The following SFMBT2 variants were observed in gnomAD, a reference collection of about 807,000 sequenced individuals.
SFMBT2 encodes Scm like with four mbt domains 2.
SFMBT2 carries 38 observed loss-of-function variants against 110.1 expected under a neutral mutation model. The observed-to-expected ratio is 0.35, with a 90% confidence interval of 0.27 to 0.45. The LOEUF (loss-of-function observed/expected upper bound fraction) is 0.45, where lower values mean the gene tolerates loss of function less well. Among genes scored for constraint, SFMBT2 ranks in the 20% least tolerant of loss-of-function variants. SFMBT2 has a pLI of 1.00. For synonymous variants in SFMBT2, 425 were observed against 425.4 expected (o/e 1.00, Z 0.01); for missense variants, 1,011 against 1,094.9 (o/e 0.92, Z 1.08).
chr10:7,393,702 C>T (rs970790030), intron 1 of SFMBT2, among the ~76,000 whole-genome samples: 1 of 152,194 alleles, frequency 6.6e-6, no homozygotes, highest in Non-Finnish European at 1.5e-5. Context: ...TAGATGAATT[C>T]AAGTCACTAA....
intron 15 of SFMBT2, among the ~76,000 whole-genome samples, chr10:7,195,523 G>A (rs1007553106): frequency 6.6e-6 from 1 of 152,246 alleles, no homozygotes; most frequent in African/African-American, 2.4e-5. Context: ...AAATGAAGAT[G>A]TGTATGAAGG....
intron 6 of SFMBT2, 97 bp downstream of exon 6, chr10:7,283,807 G>C: frequency 1.2e-6 from 1 of 857,960 alleles, no homozygotes; most frequent in Non-Finnish European, 1.9e-6. Flanking sequence ...AGATATAAAA[G>C]ATACCAGAAA....
At chr10:7,318,473 A>G (rs1466910251) in intron 4 of SFMBT2, among the ~76,000 whole-genome samples, 1 of 152,230 alleles carries the variant, frequency 6.6e-6, no homozygotes, top group African/African-American at 2.4e-5. Context: ...AGGTCAGCCA[A>G]TGCCCAAGTA....
chr10:7,175,053 AG>A, intron 17 of SFMBT2, among the ~76,000 whole-genome samples: 1 of 152,396 alleles, frequency 6.6e-6, no homozygotes, highest in East Asian at 1.9e-4. Context: ...TCCTGGTTCC[AG>A]CACCCATGTT....
In SFMBT2 at chr10:7,172,440, G is replaced by T. The variant is rs563644345; in HGVS notation, c.2151+55C>A. 9.9e-6 allele frequency: 16 copies of T among 1,610,316 alleles called. No homozygotes were observed. The highest frequency in any genetic ancestry group is 2.7e-5 in the African/African-American group (2 of 74,860). ...CTGCTGTGAAGCAGCCACACTTGCC[G>T]GCCAGGGCCAGATGACAGAGCTACA... On this transcript the variant is annotated intron_variant, in intron 18 of 20. Coordinates refer to ENST00000397167, the MANE Select transcript of SFMBT2 (RefSeq NM_001387889.1). This position sits in a 1 kb window ranked among gnomAD's most constrained non-coding sequence, Gnocchi z 4.6.
intron 4 of SFMBT2, among the ~76,000 whole-genome samples, chr10:7,349,430 C>A (rs377172423): frequency 2.0e-5 from 1 of 49,450 alleles, no homozygotes; most frequent in Admixed American, 2.7e-4. Context: ...ACTCTTTTTT[C>A]TTTTCTTTTC....
At chr10:7,384,002 G>C (rs1308667529) in intron 1 of SFMBT2, among the ~76,000 whole-genome samples, 3 of 151,944 alleles carry the variant, frequency 2.0e-5, no homozygotes, top group African/African-American at 7.3e-5. Context: ...TCTGAGGTTA[G>C]GAGTTCAAGA....
At chr10:7,213,872 C>T (rs1468192667) in intron 11 of SFMBT2, among the ~76,000 whole-genome samples, 1 of 152,224 alleles carries the variant, frequency 6.6e-6, no homozygotes, top group African/African-American at 2.4e-5. Context: ...CGTCCAAAGC[C>T]ACAGAGAAAG....
chr10:7,351,777 G>A (rs566755632), intron 4 of SFMBT2, among the ~76,000 whole-genome samples: 13 of 152,086 alleles, frequency 8.5e-5, no homozygotes, highest in East Asian at 7.7e-4. Context: ...CACTGTACCC[G>A]TGTGGCTGTA....
Position 7,170,482 on chromosome 10 carries a change from A to C in SFMBT2, c.2544+446T>G, listed in dbSNP as rs1457693911. ...TGACTTCCGGCCTGGCCAGGTGGCA[A>C]CTGGGCACCCCATCCCACCACTGAC... is the stretch of plus-strand genomic sequence containing the variant. On this transcript the variant is annotated intron_variant, in intron 20 of 20. Coordinates refer to ENST00000397167, the MANE Select transcript of SFMBT2 (RefSeq NM_001387889.1). This position sits in a 1 kb window ranked among gnomAD's most constrained non-coding sequence, Gnocchi z 4.6. Among the ~76,000 whole-genome samples, 1 of 152,162 alleles carries C rather than the reference A, an allele frequency of 6.6e-6. No homozygotes were observed. Among genetic ancestry groups the C allele is most frequent in the East Asian group, 1.9e-4 (1 of 5,186 alleles).
At chr10:7,306,080 A>C (rs1842685384) in intron 4 of SFMBT2, among the ~76,000 whole-genome samples, 1 of 152,262 alleles carries the variant, frequency 6.6e-6, no homozygotes, top group Non-Finnish European at 1.5e-5. Context: ...CCTTTCATTA[A>C]GCCATACCTG....
intron 12 of SFMBT2, chr10:7,204,381 A>C: frequency 2.0e-6 from 2 of 985,468 alleles, no homozygotes; most frequent in Non-Finnish European, 2.4e-6. Flanking sequence ...GTTAGGAAGA[A>C]GTAAAGTTGG....
Position 7,215,698 on chromosome 10 carries a change from C to T in SFMBT2, c.1330+4713G>A, listed in dbSNP as rs893504783. 5.3e-5 allele frequency: 52 copies of T among 985,428 alleles called. 1 individual carries two copies. The highest frequency in any genetic ancestry group is 1.1e-4 in the East Asian group (1 of 8,808). The allele number at this position is 985,428 out of a possible 1,614,324, so 61.0% of individuals were successfully genotyped here. The stretch of plus-strand genomic sequence containing the variant: ...AGAGTCCGCTGCAGGTGCCAGAGGG[C>T]GGCTGGCCGATGAATTTAAGCCCAC... On this transcript the variant is annotated intron_variant, in intron 11 of 20. Transcript: ENST00000397167.
intron 4 of SFMBT2, among the ~76,000 whole-genome samples, chr10:7,335,461 G>A (rs1366668765): frequency 6.6e-6 from 1 of 152,008 alleles, no homozygotes; most frequent in African/African-American, 2.4e-5. Flanking sequence ...CTTGCTTCTG[G>A]AGTAAGCCTG....
At chr10:7,209,218 CTTGA>C (rs1373939328) in intron 11 of SFMBT2, among the ~76,000 whole-genome samples, 5 of 152,216 alleles carry the variant, frequency 3.3e-5, no homozygotes, top group Non-Finnish European at 7.3e-5. Flanking sequence ...AATGCTTCTC[CTTGA>C]TTATTTGAGG....
In SFMBT2 at chr10:7,282,267, C is replaced by T. The variant is rs540090676; in HGVS notation, c.772+1637G>A. 7.2e-5 allele frequency among the ~76,000 whole-genome samples: 11 copies of T among 152,306 alleles called. No homozygotes were observed. In the East Asian group the frequency reaches 1.9e-3, roughly 27 times the overall value. Reference sequence around the variant, plus strand: ...TAAGCGAGTATTTCCTAAGCTTCCACGGAGGCATGTTCCATTCCTGCTCGT... The same window carrying T: ...TAAGCGAGTATTTCCTAAGCTTCCATGGAGGCATGTTCCATTCCTGCTCGT... On this transcript the variant is annotated intron_variant, in intron 6 of 20. Coordinates refer to ENST00000397167, the MANE Select transcript of SFMBT2 (RefSeq NM_001387889.1).
intron 7 of SFMBT2, among the ~76,000 whole-genome samples, chr10:7,269,992 A>G (rs1365525742): frequency 6.6e-6 from 1 of 152,064 alleles, no homozygotes. Flanking sequence ...AAATGCGATC[A>G]GATTGGGTTG....
At chr10:7,260,867 C>T (rs1841173874) in intron 7 of SFMBT2, among the ~76,000 whole-genome samples, 1 of 152,074 alleles carries the variant, frequency 6.6e-6, no homozygotes, top group African/African-American at 2.4e-5. Flanking sequence ...ATAGGCAACA[C>T]TGAATACTCT....
intron 4 of SFMBT2, among the ~76,000 whole-genome samples, chr10:7,363,679 A>G (rs13376816): frequency 5.3e-5 from 8 of 152,240 alleles, no homozygotes; most frequent in African/African-American, 1.9e-4. Flanking sequence ...TACCAGTCTC[A>G]GGTATGTCTT....
Sources: gnomAD v4.1 joint callset for allele counts (sites outside exome capture counted in the v4.1 genomes callset) on GRCh38, gnomAD v4.1.1 for gene constraint, Gnocchi (gnomAD v3.1) non-coding constraint, MANE v1.5 for transcripts, NCBI Gene and HGNC (gene_info 2026-07-23, HGNC 2026-07-21) for gene names.